SCRG1: variants seen among roughly 807,000 people sequenced by gnomAD.
SCRG1 encodes scrapie-responsive protein 1.
In SCRG1, 3 loss-of-function variants were observed where a neutral mutation model predicts 7.7. The ratio of observed to expected loss-of-function variants is 0.39; its 90% confidence interval spans 0.18 to 1.01. SCRG1 has a LOEUF of 1.01. SCRG1 is among the 50% of genes least tolerant of loss of function. The pLI is 0.36. For synonymous variants in SCRG1, 46 were observed against 41.2 expected (o/e 1.12, Z -0.44); for missense variants, 110 against 117.2 (o/e 0.94, Z 0.28).
At chr4:173,506,654 A>C in the SCRG1 span, among the ~76,000 whole-genome samples, 1 of 152,162 alleles carries the variant, frequency 6.6e-6, no homozygotes, top group African/African-American at 2.4e-5. This position sits in a 1 kb window ranked among gnomAD's most constrained non-coding sequence, Gnocchi z 5.3. Context: ...TTTTCCTGAT[A>C]GCAGAACTGA....
At chr4:173,510,879 TC>T in the SCRG1 span, among the ~76,000 whole-genome samples, 1 of 152,236 alleles carries the variant, frequency 6.6e-6, no homozygotes, top group African/African-American at 2.4e-5. This position sits in a 1 kb window ranked among gnomAD's most constrained non-coding sequence, Gnocchi z 5.7. Flanking sequence ...CGATTCCCTC[TC>T]CCTAGTAGAG....
chr4:173,428,613 A>C, the SCRG1 span, among the ~76,000 whole-genome samples: 1 of 152,256 alleles, frequency 6.6e-6, no homozygotes, highest in East Asian at 1.9e-4. Context: ...GTTGTTTGTA[A>C]GAATCTGATC....
the SCRG1 span, among the ~76,000 whole-genome samples, chr4:173,451,030 T>C: frequency 6.6e-6 from 1 of 152,138 alleles, no homozygotes; most frequent in Non-Finnish European, 1.5e-5. Context: ...CTCTTTGGTT[T>C]GAGGTTATCC....
the SCRG1 span, among the ~76,000 whole-genome samples, chr4:173,498,553 C>T: frequency 3.3e-5 from 5 of 152,276 alleles, no homozygotes; most frequent in African/African-American, 7.2e-5. Flanking sequence ...ACATTCTCTG[C>T]GGACTTAATA....
chr4:173,482,864 CATAT>C, the SCRG1 span, among the ~76,000 whole-genome samples: 2 of 138,586 alleles, frequency 1.4e-5, no homozygotes, highest in African/African-American at 5.3e-5. Context: ...TTATATATTT[CATAT>C]ATATTTTTTA....
the SCRG1 span, among the ~76,000 whole-genome samples, chr4:173,506,985 C>A: frequency 6.6e-6 from 1 of 152,182 alleles, no homozygotes; most frequent in African/African-American, 2.4e-5. The surrounding 1 kb of genome is among the most constrained non-coding windows in gnomAD (Gnocchi z 5.3). Flanking sequence ...TCCTCCCTCC[C>A]TCACCCGCAG....
the SCRG1 span, among the ~76,000 whole-genome samples, chr4:173,480,841 G>A: frequency 6.6e-6 from 1 of 151,936 alleles, no homozygotes; most frequent in Non-Finnish European, 1.5e-5. Flanking sequence ...AAAAACAGAT[G>A]AAGCAAAGAT....
chr4:173,407,394 C>A (rs1241304191), upstream of SCRG1, among the ~76,000 whole-genome samples: 1 of 151,690 alleles, frequency 6.6e-6, no homozygotes, highest in Non-Finnish European at 1.5e-5. Context: ...ATTAGCCGCA[C>A]ATGGTGGCCA....
At chr4:173,515,664 G>T in the SCRG1 span, among the ~76,000 whole-genome samples, 1 of 152,080 alleles carries the variant, frequency 6.6e-6, no homozygotes, top group Non-Finnish European at 1.5e-5. The surrounding 1 kb of genome is among the most constrained non-coding windows in gnomAD (Gnocchi z 4.6). Flanking sequence ...GAGGTGGTGG[G>T]GCTGTGTGTC....
chr4:173,433,725 CT>C, the SCRG1 span, among the ~76,000 whole-genome samples: 1 of 152,196 alleles, frequency 6.6e-6, no homozygotes, highest in Non-Finnish European at 1.5e-5. Flanking sequence ...TCTTTCCTTG[CT>C]CTTAGAACCT....
At chr4:173,390,634 A>T (rs1578960328) in intron 2 of SCRG1, among the ~76,000 whole-genome samples, 1 of 151,934 alleles carries the variant, frequency 6.6e-6, no homozygotes, top group Non-Finnish European at 1.5e-5. Flanking sequence ...CACCACGCCC[A>T]GCTAATTTTG....
the SCRG1 span, among the ~76,000 whole-genome samples, chr4:173,495,181 T>C: frequency 1.3e-5 from 2 of 152,254 alleles, no homozygotes; most frequent in Non-Finnish European, 2.9e-5. Flanking sequence ...TTTATTATTA[T>C]ACGATATCGT....
At chr4:173,507,750 AT>A in the SCRG1 span, among the ~76,000 whole-genome samples, 1 of 152,204 alleles carries the variant, frequency 6.6e-6, no homozygotes, top group African/African-American at 2.4e-5. The surrounding 1 kb of genome is among the most constrained non-coding windows in gnomAD (Gnocchi z 4.4). Context: ...TCTCTTTTGT[AT>A]CACAGACCCT....
the SCRG1 span, among the ~76,000 whole-genome samples, chr4:173,467,183 T>C: frequency 1.3e-5 from 2 of 152,180 alleles, no homozygotes; most frequent in Non-Finnish European, 2.9e-5. Flanking sequence ...TAATGTATCA[T>C]GTTAATTCCC....
At chr4:173,391,028 A>T in intron 2 of SCRG1, 145 bp downstream of exon 2, 1 of 780,276 alleles carries the variant, frequency 1.3e-6, no homozygotes, top group Non-Finnish European at 2.1e-6. Context: ...TTTACACAAT[A>T]GTGATTATTC....
chr4:173,415,891 G>A, the SCRG1 span, among the ~76,000 whole-genome samples: 88 of 152,292 alleles, frequency 5.8e-4, no homozygotes, highest in African/African-American at 2.1e-3. Context: ...CTGGAGAAAT[G>A]ACATAGGGTC....
chr4:173,384,855 T>G lies in SCRG1; in HGVS notation c.*3486A>C, dbSNP rs892185100. 6.6e-6 allele frequency: 1 copy of G among 152,226 alleles called. No homozygotes were observed. Among genetic ancestry groups the G allele is most frequent in the African/African-American group, 2.4e-5 (1 of 41,472 alleles). The allele number at this position is 152,226 out of a possible 1,614,324, so 9.4% of individuals were successfully genotyped here. A position where few individuals can be genotyped will look rare whatever the true frequency, so the allele number is the denominator to read the frequency against. ...ACAGAAATACTTGTTCAGTAAGCTT[T>G]TAGCATATATGAGCTATCTGAAATG... On this transcript the variant is annotated 3_prime_UTR_variant, in exon 3 of 3. Transcript: ENST00000296506.
chr4:173,498,682 T>C, the SCRG1 span, among the ~76,000 whole-genome samples: 1 of 152,208 alleles, frequency 6.6e-6, no homozygotes, highest in Non-Finnish European at 1.5e-5. Flanking sequence ...TCAGATTTAC[T>C]GACCAAACAG....
the SCRG1 span, among the ~76,000 whole-genome samples, chr4:173,502,694 A>G: frequency 6.6e-6 from 1 of 152,146 alleles, no homozygotes; most frequent in South Asian, 2.1e-4. This position sits in a 1 kb window ranked among gnomAD's most constrained non-coding sequence, Gnocchi z 4.6. Context: ...CTGCCAGGTG[A>G]CACCAAGGCC....
Sources: allele counts gnomAD v4.1 joint callset (sites outside exome capture counted in the v4.1 genomes callset), GRCh38; gene constraint gnomAD v4.1.1; non-coding constraint Gnocchi (gnomAD v3.1); transcripts MANE v1.5; gene names NCBI Gene and HGNC (gene_info 2026-07-23, HGNC 2026-07-21).